PTPN21: variants seen among roughly 807,000 people sequenced by gnomAD.
PTPN21 encodes tyrosine-protein phosphatase non-receptor type 21.
In PTPN21, 77 loss-of-function variants were observed where a neutral mutation model predicts 131.8. That is an observed-to-expected ratio of 0.58 (90% CI 0.49 to 0.71). The LOEUF (loss-of-function observed/expected upper bound fraction) is 0.71, where lower values mean the gene tolerates loss of function less well. Among genes scored for constraint, PTPN21 ranks in the 30% least tolerant of loss-of-function variants. The pLI is 0.00. For missense variants in PTPN21, 1,552 were observed against 1,527.1 expected, an observed-to-expected ratio of 1.02 and a Z score of -0.27; for synonymous variants, 715 against 621.3, an observed-to-expected ratio of 1.15 and a Z score of -2.24.
intron 2 of PTPN21, among the ~76,000 whole-genome samples, chr14:88,541,497 T>G (rs765431520): frequency 1.3e-5 from 2 of 152,198 alleles, no homozygotes; most frequent in African/African-American, 4.8e-5. Flanking sequence ...ACTTGATTAA[T>G]GTATAAAGGA....
rs201862745 is a variant in PTPN21 at position 88,479,559 on chromosome 14, G to A, written c.1872C>T (p.Leu624=). 3.6e-4 allele frequency: 577 copies of A among 1,598,480 alleles called. No homozygotes were observed. In the East Asian group the frequency reaches 0.012, roughly 34 times the overall value. ...GCAGCTGCGCGTGGCGCGCGGCGGT[G>A]AGGGGCTCGCTGACCTCCTGCAGCG... ...AHSLQEVSEP[L]TAARHAQLHK... is the part of the protein sequence containing the mutation. The change falls in exon 13 of 19, where the codon CTC becomes CTT. Residue 624 remains leucine (L), a synonymous_variant. Transcript: ENST00000556564.
At chr14:88,505,080 C>G (rs946433171) in intron 5 of PTPN21, among the ~76,000 whole-genome samples, 8 of 152,158 alleles carry the variant, frequency 5.3e-5, no homozygotes, top group Admixed American at 3.3e-4. Context: ...TGTCTCCAGG[C>G]ACAGTGCAGT....
chr14:88,472,698 C>T (rs947903823), intron 14 of PTPN21, among the ~76,000 whole-genome samples: 4 of 151,972 alleles, frequency 2.6e-5, no homozygotes, highest in Non-Finnish European at 4.4e-5. Context: ...AGTGAGACCC[C>T]GTCTCTGCAA....
intron 10 of PTPN21, among the ~76,000 whole-genome samples, chr14:88,489,818 GT>G (rs33931747): frequency 2.2e-5 from 2 of 90,326 alleles, no homozygotes; most frequent in African/African-American, 7.2e-5. Flanking sequence ...CTGCTTACAG[GT>G]CACTGACTTG....
Position 88,479,095 on chromosome 14 carries a change from G to A in PTPN21, c.2336C>T (p.Thr779Met), listed in dbSNP as rs761397955. ...CCAGGGCCGCTGGGCCTCTGCGGTC[G>A]TGCGGACGGGGCTGCTGTCCATCAT... ...KRMMDSSPVRTTAEAQRPWRD... is the reference protein window; with the variant it reads ...KRMMDSSPVRMTAEAQRPWRD... Residue 779 changes from threonine (T) to methionine (M), a missense_variant, in exon 13 of 19, where the codon ACG (threonine) becomes ATG (methionine). By Grantham distance (81) the Thr-to-Met change is moderately conservative. Coordinates refer to ENST00000556564, the MANE Select transcript of PTPN21 (RefSeq NM_007039.4). The A allele has an allele frequency of 2.5e-6, 4 of 1,580,042 alleles. No individual in the cohort carries two copies. Among genetic ancestry groups the A allele is most frequent in the African/African-American group, 2.7e-5 (2 of 73,206 alleles).
intron 6 of PTPN21, among the ~76,000 whole-genome samples, chr14:88,503,067 T>C (rs1411870386): frequency 6.6e-6 from 1 of 151,506 alleles, no homozygotes; most frequent in Non-Finnish European, 1.5e-5. Context: ...TTTTTTTTTT[T>C]GCTCTGTCAC....
rs2140078525 is a variant in PTPN21 at position 88,469,434 on chromosome 14, A to C, written c.3235+65T>G. 2 of 1,338,714 alleles carry C rather than the reference A, an allele frequency of 1.5e-6. No individual in the cohort carries two copies. The highest frequency in any genetic ancestry group is 4.6e-5 in the East Asian group (2 of 43,472). The allele number at this position is 1,338,714 out of a possible 1,614,324, so 82.9% of individuals were successfully genotyped here. On this transcript the variant is annotated intron_variant, in intron 17 of 18. Coordinates refer to ENST00000556564, the MANE Select transcript of PTPN21 (RefSeq NM_007039.4). This position sits in a 1 kb window ranked among gnomAD's most constrained non-coding sequence, Gnocchi z 4.3. ...ATAAAGGAAATATTTCGGAAACATA[A>C]ATGTTCCTCTCTGTTTAACACCTCC...
intron 5 of PTPN21, among the ~76,000 whole-genome samples, 161 bp downstream of exon 5, chr14:88,505,143 C>T (rs1357854919): frequency 6.6e-6 from 1 of 152,184 alleles, no homozygotes; most frequent in Non-Finnish European, 1.5e-5. Context: ...ATGACTACAA[C>T]AGGGAAAGCA....
chr14:88,477,472 C>CAAAAAAAAAA (rs2077565162), intron 13 of PTPN21, among the ~76,000 whole-genome samples: 1 of 86,866 alleles, frequency 1.2e-5, no homozygotes. Flanking sequence ...AAAAAAAAAG[C>CAAAAAAAAAA]AAATTTAAAT....
At chr14:88,510,932 A>G (rs150283252) in intron 3 of PTPN21, among the ~76,000 whole-genome samples, 6,755 of 137,690 alleles carry the variant, frequency 0.049, 212 homozygotes, top group South Asian at 0.11. Context: ...TTTTTTTTTG[A>G]GACAGGGTCT....
At chr14:88,519,497 T>C (rs2078356992) in intron 2 of PTPN21, among the ~76,000 whole-genome samples, 1 of 152,216 alleles carries the variant, frequency 6.6e-6, no homozygotes, top group East Asian at 1.9e-4. Flanking sequence ...TTGGATAGTA[T>C]AGATTTAAAG....
Position 88,468,910 on chromosome 14 carries a change from C to G in PTPN21, c.3396+6G>C. ...AAAAAGGCCAGGTGATCATAAGCGCCATCACCTCATTGTGTTCCAGGCAGG... is the reference window on the plus strand; with the variant it reads ...AAAAAGGCCAGGTGATCATAAGCGCGATCACCTCATTGTGTTCCAGGCAGG... On this transcript the variant is annotated splice_donor_region_variant and intron_variant, in intron 18 of 18. Transcript: ENST00000556564. The G allele has an allele frequency of 6.2e-7, 1 of 1,614,024 alleles. No individual in the cohort carries two copies. Among genetic ancestry groups the G allele is most frequent in the South Asian group, 1.1e-5 (1 of 91,060 alleles).
At chr14:88,477,139 T>TCACTGCTCCCTACAC (rs1336734815) in intron 13 of PTPN21, among the ~76,000 whole-genome samples, 2 of 151,392 alleles carry the variant, frequency 1.3e-5, no homozygotes, top group African/African-American at 4.9e-5. Flanking sequence ...TTATCCTGAA[T>TCACTGCTCCCTACAC]CACTGCTCCC....
chr14:88,512,112 C>T (rs1002375792), intron 3 of PTPN21, among the ~76,000 whole-genome samples: 12 of 152,180 alleles, frequency 7.9e-5, no homozygotes, highest in Non-Finnish European at 1.2e-4. Flanking sequence ...GTGCCTCACC[C>T]ATCAACCTTA....
chr14:88,496,899 T>C (rs943602497), intron 9 of PTPN21, among the ~76,000 whole-genome samples: 3 of 152,214 alleles, frequency 2.0e-5, no homozygotes, highest in Non-Finnish European at 4.4e-5. Context: ...TATTCATTTA[T>C]CAATGAAATT....
At chr14:88,493,432 A>G (rs1161353776) in intron 10 of PTPN21, among the ~76,000 whole-genome samples, 1 of 152,210 alleles carries the variant, frequency 6.6e-6, no homozygotes, top group Non-Finnish European at 1.5e-5. Flanking sequence ...CATTCACATG[A>G]TAAGGAAAGA....
intron 2 of PTPN21, among the ~76,000 whole-genome samples, chr14:88,543,334 G>A (rs2078732290): frequency 1.3e-5 from 2 of 152,118 alleles, no homozygotes; most frequent in South Asian, 2.1e-4. Flanking sequence ...TTACATCAGG[G>A]AGCCACTACA....
intron 10 of PTPN21, among the ~76,000 whole-genome samples, chr14:88,488,831 C>G (rs894405488): frequency 2.0e-5 from 3 of 151,772 alleles, no homozygotes; most frequent in Non-Finnish European, 4.4e-5. Context: ...GACCTGGTGT[C>G]TTTAAAAAAA....
chr14:88,501,442 CTA>C, intron 6 of PTPN21, 74 bp from the exon 7 acceptor site: 1 of 1,242,470 alleles, frequency 8.0e-7, no homozygotes, highest in South Asian at 1.2e-5. Flanking sequence ...TTCTTAAAAC[CTA>C]TATGTCAATT....
Sources: allele counts gnomAD v4.1 joint callset (sites outside exome capture counted in the v4.1 genomes callset), GRCh38; gene constraint gnomAD v4.1.1; non-coding constraint Gnocchi (gnomAD v3.1); transcripts MANE v1.5; gene names NCBI Gene and HGNC (gene_info 2026-07-23, HGNC 2026-07-21).